FGGY: variants seen among roughly 807,000 people sequenced by gnomAD.
The protein encoded by FGGY is FGGY carbohydrate kinase domain containing.
Under a neutral mutation model 71.3 loss-of-function variants are expected in FGGY, and 72 were observed. That is an observed-to-expected ratio of 1.01 (90% confidence interval 0.84 to 1.23). The LOEUF is 1.23. Among genes scored for constraint, FGGY ranks in the 50% most tolerant of loss-of-function variants. The pLI is 0.00. For missense variants in FGGY, 668 were observed against 682.3 expected, an observed-to-expected ratio of 0.98 and a Z score of 0.23; for synonymous variants, 251 against 250.3, an observed-to-expected ratio of 1.00 and a Z score of -0.02.
At position 59,507,684 on chromosome 1, in the gene FGGY, A is replaced by ATTTTTTTTTTTTTTT. The variant is rs561953004; in HGVS notation, c.671-4618_671-4604dup. Among the ~76,000 whole-genome samples the ATTTTTTTTTTTTTTT allele has an allele frequency of 8.4e-3, 899 of 106,782 alleles. 12 individuals carry two copies. The highest frequency in any genetic ancestry group is 0.012 in the African/African-American group (286 of 24,574). The allele number at this position is 106,782 out of a possible 152,430, so 70.1% of individuals were successfully genotyped here. On this transcript the variant is annotated intron_variant, in intron 6 of 15. Coordinates refer to ENST00000303721, the MANE Select transcript of FGGY (RefSeq NM_018291.5). ...AGGCAACTGCAACCATGCTTGGCTAATTTTTTTTTTTTTTTTTTTTTTTGT... is the reference window on the plus strand; with the variant it reads ...AGGCAACTGCAACCATGCTTGGCTAATTTTTTTTTTTTTTTTTTTTTTTTTTTTTTTTTTTTTTGT...
intron 14 of FGGY, among the ~76,000 whole-genome samples, chr1:59,693,224 T>C (rs192766003): frequency 6.6e-6 from 1 of 152,360 alleles, no homozygotes; most frequent in Admixed American, 6.5e-5. Flanking sequence ...AGAGTTTGCA[T>C]TGGCATCAGA....
chr1:59,327,444 C>T (rs774874347), intron 2 of FGGY, among the ~76,000 whole-genome samples: 4 of 152,188 alleles, frequency 2.6e-5, no homozygotes, highest in Non-Finnish European at 4.4e-5. Flanking sequence ...TCAATTTCAT[C>T]TTCAGGGTCC....
Position 59,346,409 on chromosome 1 carries a change from A to G in FGGY, c.465+11A>G. 6.2e-7 allele frequency: 1 copy of G among 1,610,898 alleles called. No homozygotes were observed. Among genetic ancestry groups the G allele is most frequent in the South Asian group, 1.1e-5 (1 of 90,926 alleles). ...CTGTGGCTGAAAGAGGTGAGTGCAT[A>G]GGGTCTAAGAGAAGATACCAACAAT... On this transcript the variant is annotated intron_variant, in intron 4 of 15. Coordinates refer to ENST00000303721, the MANE Select transcript of FGGY (RefSeq NM_018291.5).
At chr1:59,740,956 A>C (rs185412860) in intron 14 of FGGY, among the ~76,000 whole-genome samples, 18 of 152,384 alleles carry the variant, frequency 1.2e-4, no homozygotes, top group African/African-American at 4.3e-4. Context: ...TCTCATAAAT[A>C]ATTTTTGTAT....
chr1:59,498,770 T>C, intron 6 of FGGY, among the ~76,000 whole-genome samples: 1 of 152,228 alleles, frequency 6.6e-6, no homozygotes, highest in East Asian at 1.9e-4. Flanking sequence ...TTAAGTTATG[T>C]CATGTTTTGA....
intron 7 of FGGY, among the ~76,000 whole-genome samples, chr1:59,515,245 C>G (rs900017219): frequency 6.6e-6 from 1 of 152,134 alleles, no homozygotes; most frequent in Non-Finnish European, 1.5e-5. Context: ...GGATTTTGGA[C>G]TTGCCTGGGC....
intron 8 of FGGY, among the ~76,000 whole-genome samples, chr1:59,592,591 A>T (rs562248863): frequency 6.6e-6 from 1 of 152,328 alleles, no homozygotes; most frequent in South Asian, 2.1e-4. Context: ...TACACCATGG[A>T]ATACTATACA....
chr1:59,473,574 C>G (rs1021592770), intron 6 of FGGY, among the ~76,000 whole-genome samples: 1 of 152,144 alleles, frequency 6.6e-6, no homozygotes, highest in South Asian at 2.1e-4. Context: ...TGGAAGAGTG[C>G]AGAGTGTGTG....
At chr1:59,586,392 T>C (rs9436181) in intron 8 of FGGY, among the ~76,000 whole-genome samples, 59,914 of 151,700 alleles carry the variant, frequency 0.39, 14,147 homozygotes, top group African/African-American at 0.65. Context: ...TCATTCTTAG[T>C]AAGCTATCGC....
intron 13 of FGGY, among the ~76,000 whole-genome samples, chr1:59,671,763 C>A (rs902586582): frequency 1.3e-5 from 2 of 152,050 alleles, no homozygotes; most frequent in African/African-American, 2.4e-5. Flanking sequence ...GAATTTTAAC[C>A]CCATTTTTCA....
chr1:59,298,631 A>G (rs2042316115), intron 1 of FGGY, among the ~76,000 whole-genome samples: 1 of 152,108 alleles, frequency 6.6e-6, no homozygotes. Flanking sequence ...CCTTTCACTT[A>G]TTGATTTAAA....
chr1:59,520,052 G>C (rs909206889), intron 7 of FGGY, among the ~76,000 whole-genome samples: 2 of 152,184 alleles, frequency 1.3e-5, no homozygotes, highest in Non-Finnish European at 2.9e-5. Context: ...ACAATGCCCA[G>C]GCCAACCCCC....
chr1:59,536,658 A>G (rs1430497252), intron 7 of FGGY, among the ~76,000 whole-genome samples: 1 of 152,234 alleles, frequency 6.6e-6, no homozygotes, highest in African/African-American at 2.4e-5. Flanking sequence ...ATCCACCATG[A>G]TCAAGTGGGC....
At chr1:59,659,136 A>G (rs1462710951) in intron 11 of FGGY, among the ~76,000 whole-genome samples, 1 of 152,144 alleles carries the variant, frequency 6.6e-6, no homozygotes, top group Non-Finnish European at 1.5e-5. Flanking sequence ...CAGGAGGTGG[A>G]GGTTGCAGTG....
intron 5 of FGGY, among the ~76,000 whole-genome samples, chr1:59,452,868 T>C (rs1312553293): frequency 4.6e-5 from 7 of 152,174 alleles, no homozygotes; most frequent in African/African-American, 1.4e-4. Context: ...CTATCTCTAA[T>C]TCTAATTTTA....
chr1:59,501,228 G>A (rs572437416), intron 6 of FGGY, among the ~76,000 whole-genome samples: 2 of 152,252 alleles, frequency 1.3e-5, no homozygotes, highest in African/African-American at 4.8e-5. Flanking sequence ...GTCATAAAAG[G>A]AAGTGTATTT....
intron 9 of FGGY, among the ~76,000 whole-genome samples, chr1:59,625,677 A>T (rs1440560942): frequency 6.6e-6 from 1 of 152,078 alleles, no homozygotes; most frequent in Non-Finnish European, 1.5e-5. Flanking sequence ...ATTTGACATA[A>T]GTTACCCTTC....
At chr1:59,535,416 A>G (rs1242802132) in intron 7 of FGGY, among the ~76,000 whole-genome samples, 2 of 152,198 alleles carry the variant, frequency 1.3e-5, no homozygotes, top group African/African-American at 4.8e-5. Flanking sequence ...AACATTAGAC[A>G]GATCAACGAG....
intron 5 of FGGY, among the ~76,000 whole-genome samples, chr1:59,379,442 C>T (rs951708573): frequency 6.6e-6 from 1 of 151,950 alleles, no homozygotes; most frequent in East Asian, 1.9e-4. Flanking sequence ...GAAAAGATAT[C>T]ATAAAAATAC....
Sources: gnomAD v4.1 joint callset for allele counts (sites outside exome capture counted in the v4.1 genomes callset) on GRCh38, gnomAD v4.1.1 for gene constraint, MANE v1.5 for transcripts, NCBI Gene and HGNC (gene_info 2026-07-23, HGNC 2026-07-21) for gene names.